SLC12A1: variants seen among roughly 807,000 people sequenced by gnomAD.
SLC12A1 encodes the protein Na-K-2Cl cotransporter.
A neutral mutation model predicts 130.4 loss-of-function variants in SLC12A1; 89 were observed. The observed-to-expected ratio is 0.68, with a 90% CI of 0.58 to 0.81. SLC12A1 has a LOEUF of 0.81. Ranked by LOEUF, SLC12A1 falls within the 40% of genes least tolerant of loss-of-function variation. The pLI is 0.00. For missense variants in SLC12A1, 1,310 were observed against 1,336.4 expected (o/e 0.98, Z 0.31); for synonymous variants, 499 against 460.0 (o/e 1.08, Z -1.09).
At chr15:48,266,237 G>T (rs1461071786) in intron 17 of SLC12A1, among the ~76,000 whole-genome samples, 1 of 152,206 alleles carries the variant, frequency 6.6e-6, no homozygotes, top group African/African-American at 2.4e-5. Context: ...CTGACTCACA[G>T]TTCAGTGTTC....
chr15:48,250,152 T>C (rs1418169472), intron 14 of SLC12A1, among the ~76,000 whole-genome samples: 3 of 152,320 alleles, frequency 2.0e-5, no homozygotes, highest in Non-Finnish European at 4.4e-5. Context: ...GTGCACCCTT[T>C]GGGCTGTGGT....
chr15:48,291,442 T>C (rs1206074677), intron 23 of SLC12A1, among the ~76,000 whole-genome samples: 1 of 152,100 alleles, frequency 6.6e-6, no homozygotes, highest in Admixed American at 6.6e-5. Context: ...AATATAATAG[T>C]CCATAAGTAT....
chr15:48,241,655 C>A, intron 10 of SLC12A1, 56 bp downstream of exon 10: 1 of 1,240,146 alleles, frequency 8.1e-7, no homozygotes, highest in South Asian at 1.2e-5. Flanking sequence ...TCCAGTTGTT[C>A]ACGTCTAGTG....
chr15:48,273,851 C>A (rs908849662), intron 19 of SLC12A1, among the ~76,000 whole-genome samples: 1 of 152,066 alleles, frequency 6.6e-6, no homozygotes, highest in African/African-American at 2.4e-5. Flanking sequence ...AACAAAGGAC[C>A]TCCCAATGAA....
In SLC12A1 at chr15:48,222,999, G is replaced by T. The variant is rs2041234790; in HGVS notation, c.628+2003G>T. 1.3e-5 allele frequency: 2 copies of T among 152,220 alleles called. 1 individual carries two copies. Among genetic ancestry groups the T allele is most frequent in the South Asian group, 4.1e-4 (2 of 4,834 alleles). 9.4% of individuals were successfully genotyped at this position (152,220 alleles called of 1,614,324 possible). On this transcript the variant is annotated intron_variant, in intron 4 of 26. Coordinates refer to ENST00000380993, the MANE Select transcript of SLC12A1 (RefSeq NM_000338.3). ...TGTTCTTCTCTATCTTGGAGACCTT[G>T]CTGGGGCAAGATGGTTTCCAATAAA...
chr15:48,239,720 G>A (rs560151865), intron 9 of SLC12A1, among the ~76,000 whole-genome samples: 29 of 151,508 alleles, frequency 1.9e-4, no homozygotes, highest in African/African-American at 6.5e-4. Context: ...GCACAATCTC[G>A]GCTCACTGCA....
At chr15:48,281,320 AAATGGCGT>A (rs758287018) in intron 20 of SLC12A1, among the ~76,000 whole-genome samples, 10 of 152,226 alleles carry the variant, frequency 6.6e-5, no homozygotes, top group African/African-American at 9.6e-5. Flanking sequence ...TGGTGATGAA[AAATGGCGT>A]AAGTTCTGCC....
chr15:48,290,428 C>T (rs1246752110), intron 23 of SLC12A1, among the ~76,000 whole-genome samples: 1 of 152,136 alleles, frequency 6.6e-6, no homozygotes, highest in Non-Finnish European at 1.5e-5. Flanking sequence ...TATGTAAACA[C>T]ATAACCAGTA....
In SLC12A1 at chr15:48,302,935, A is replaced by AC; in HGVS notation, c.*50_*51insC. 1 of 1,381,852 alleles carries AC rather than the reference A, an allele frequency of 7.2e-7. No individual in the cohort carries two copies. Among genetic ancestry groups the AC allele is most frequent in the Non-Finnish European group, 1.0e-6 (1 of 985,362 alleles). 85.6% of individuals were successfully genotyped at this position (1,381,852 alleles called of 1,614,324 possible). On this transcript the variant is annotated 3_prime_UTR_variant, in exon 27 of 27. Coordinates refer to ENST00000380993, the MANE Select transcript of SLC12A1 (RefSeq NM_000338.3). ...TAACTTAATGTAATGCATAATTAAGAAACATGTTCCAGTACTTTATGTTGT... is the reference window on the plus strand; with the variant it reads ...TAACTTAATGTAATGCATAATTAAGACAACATGTTCCAGTACTTTATGTTGT...
chr15:48,259,062 G>A (rs1341261163), intron 16 of SLC12A1, 138 bp from the exon 17 acceptor site: 9 of 606,094 alleles, frequency 1.5e-5, no homozygotes, highest in Non-Finnish European at 2.1e-5. Context: ...CAAGAATACT[G>A]GTGCGAAACC....
At chr15:48,233,866 T>A (rs1172233751) in intron 8 of SLC12A1, among the ~76,000 whole-genome samples, 1 of 152,168 alleles carries the variant, frequency 6.6e-6, no homozygotes, top group African/African-American at 2.4e-5. Context: ...CCCAGATTCT[T>A]TTGTTCACAT....
rs1265266908 is a variant in SLC12A1, at chr15:48,291,778, A to G, written c.2874A>G (p.Val958=). ...AAGTATTTTCCTTTTATATTTTCAGAATGGCTTCCCTTCTGAGCAAATTTA... is the reference window on the plus strand; with the variant it reads ...AAGTATTTTCCTTTTATATTTTCAGGATGGCTTCCCTTCTGAGCAAATTTA... ...KINRIEEEKI[V]MASLLSKFRI... is the part of the protein sequence containing the mutation. The change falls in exon 24 of 27, where the codon GTA becomes GTG. Residue 958 remains valine, a splice_region_variant and synonymous_variant. Transcript: ENST00000380993. 3 of 1,545,762 alleles carry G rather than the reference A, an allele frequency of 1.9e-6. No homozygotes were observed. Among genetic ancestry groups the G allele is most frequent in the Middle Eastern group, 1.7e-4 (1 of 5,966 alleles).
At chr15:48,256,581 G>A (rs1566843839) in intron 16 of SLC12A1, among the ~76,000 whole-genome samples, 1 of 152,178 alleles carries the variant, frequency 6.6e-6, no homozygotes, top group Non-Finnish European at 1.5e-5. Context: ...CAAAGGAGGA[G>A]CAAAGGCATG....
At chr15:48,255,403 A>T (rs1029167528) in intron 15 of SLC12A1, among the ~76,000 whole-genome samples, 3 of 150,450 alleles carry the variant, frequency 2.0e-5, no homozygotes, top group Non-Finnish European at 4.4e-5. Context: ...GTGCCACTGC[A>T]CTCCAGCCTG....
chr15:48,256,822 GC>G (rs57937723), intron 16 of SLC12A1, among the ~76,000 whole-genome samples: 1,822 of 120,136 alleles, frequency 0.015, 68 homozygotes, highest in African/African-American at 0.056. Context: ...TCCATCCCTG[GC>G]CCCCCCCCCC....
intron 9 of SLC12A1, chr15:48,237,033 G>C (rs944431357): frequency 4.3e-6 from 3 of 702,516 alleles, no homozygotes; most frequent in Non-Finnish European, 7.8e-6. Flanking sequence ...GGAGCTCAGA[G>C]TCGAAGGAGG....
At chr15:48,209,762 A>G (rs998809141) in intron 2 of SLC12A1, among the ~76,000 whole-genome samples, 6 of 152,132 alleles carry the variant, frequency 3.9e-5, no homozygotes, top group African/African-American at 1.4e-4. Context: ...CTTGGCTGCT[A>G]GGGTCCCTGA....
At chr15:48,226,680 C>T in intron 5 of SLC12A1, 109 bp downstream of exon 5, 2 of 724,778 alleles carry the variant, frequency 2.8e-6, no homozygotes, top group South Asian at 3.4e-5. Context: ...GTTCTTGAAG[C>T]CTGGCTATTT....
At position 48,247,322 on chromosome 15, in the gene SLC12A1, C is replaced by A. The variant is rs770418972; in HGVS notation, c.1561-15C>A. ...TAGCTATAAATGACAAATTTCTTCT[C>A]TTCTTTTCCATTAGGCTCTGTGCAA... On this transcript the variant is annotated splice_polypyrimidine_tract_variant and intron_variant, in intron 12 of 26. Transcript: ENST00000380993. The A allele has an allele frequency of 1.3e-6, 2 of 1,596,692 alleles. No individual in the cohort carries two copies. The highest frequency in any genetic ancestry group is 1.7e-6 in the Non-Finnish European group (2 of 1,175,976).
Sources: gnomAD v4.1 joint callset for allele counts (sites outside exome capture counted in the v4.1 genomes callset) on GRCh38, gnomAD v4.1.1 for gene constraint, MANE v1.5 for transcripts, NCBI Gene and HGNC (gene_info 2026-07-23, HGNC 2026-07-21) for gene names.